The following UST variants were observed in gnomAD, a reference collection of about 807,000 sequenced individuals.
UST encodes chondroitin sulfate 2-O-sulfotransferase.
UST carries 21 observed loss-of-function variants against 45.6 expected under a neutral mutation model. The observed-to-expected ratio is 0.46, with a 90% CI of 0.33 to 0.66. The LOEUF is 0.66. Among genes scored for constraint, UST ranks in the 30% least tolerant of loss-of-function variants. The pLI is 0.02. For synonymous variants in UST, 215 were observed against 200.6 expected (o/e 1.07, Z -0.61); for missense variants, 463 against 512.4 (o/e 0.90, Z 0.93).
chr6:148,823,829 C>T (rs935028695), intron 1 of UST, among the ~76,000 whole-genome samples: 1 of 152,162 alleles, frequency 6.6e-6, no homozygotes, highest in African/African-American at 2.4e-5. Flanking sequence ...AAATCACCTT[C>T]AGTTGATGAT....
intron 1 of UST, among the ~76,000 whole-genome samples, chr6:148,849,220 A>C (rs1441158714): frequency 6.6e-6 from 1 of 152,226 alleles, no homozygotes; most frequent in African/African-American, 2.4e-5. Flanking sequence ...CAAGTCATCC[A>C]GGCATCCCTC....
In UST at chr6:148,830,328, T is replaced by G. The variant is rs535444665; in HGVS notation, c.248-56658T>G. Among the ~76,000 whole-genome samples the G allele has an allele frequency of 2.0e-5, 3 of 152,330 alleles. No individual in the cohort carries two copies. The East Asian group carries it at 5.8e-4, about 29-fold the overall frequency. On this transcript the variant is annotated intron_variant, in intron 1 of 7. Transcript: ENST00000367463. Reference sequence around the variant, plus strand: ...TTCTATTATCCTTTCATTTCTACATTTATAGTATAACTAGTTTAGAGCACA... The same window carrying G: ...TTCTATTATCCTTTCATTTCTACATGTATAGTATAACTAGTTTAGAGCACA...
chr6:148,961,510 A>G (rs1227297584), intron 4 of UST, among the ~76,000 whole-genome samples: 1 of 152,250 alleles, frequency 6.6e-6, no homozygotes, highest in East Asian at 1.9e-4. Flanking sequence ...AGAAACAACA[A>G]AAAGTTAAAA....
At chr6:148,788,597 C>T (rs1776778794) in intron 1 of UST, among the ~76,000 whole-genome samples, 1 of 152,074 alleles carries the variant, frequency 6.6e-6, no homozygotes, top group South Asian at 2.1e-4. Context: ...TTTTCTGACA[C>T]ATCCAATCTG....
At chr6:148,850,790 A>G (rs1474705677) in intron 1 of UST, among the ~76,000 whole-genome samples, 1 of 152,202 alleles carries the variant, frequency 6.6e-6, no homozygotes, top group East Asian at 1.9e-4. Context: ...CGTGGACTCT[A>G]CACTGATACC....
chr6:148,900,888 AG>A (rs1388101043), intron 2 of UST, among the ~76,000 whole-genome samples: 1 of 152,178 alleles, frequency 6.6e-6, no homozygotes, highest in Non-Finnish European at 1.5e-5. Context: ...CAGCTTCTAG[AG>A]GCCACCAGCA....
At chr6:148,916,274 G>T (rs150643505) in intron 2 of UST, among the ~76,000 whole-genome samples, 1 of 152,188 alleles carries the variant, frequency 6.6e-6, no homozygotes, top group Non-Finnish European at 1.5e-5. Context: ...GTAATTTGCC[G>T]AAAGGGATGC....
chr6:149,004,382 G>A (rs1276610729), intron 5 of UST, among the ~76,000 whole-genome samples: 1 of 152,164 alleles, frequency 6.6e-6, no homozygotes, highest in African/African-American at 2.4e-5. Context: ...CAGACTTCCT[G>A]GACCTGCTTA....
intron 1 of UST, among the ~76,000 whole-genome samples, chr6:148,759,864 A>G (rs2114655059): frequency 6.6e-6 from 1 of 151,514 alleles, no homozygotes; most frequent in Non-Finnish European, 1.5e-5. Context: ...AAAAAAAAAA[A>G]AAAAAAAGTC....
At chr6:148,879,853 T>A (rs945951286) in intron 1 of UST, among the ~76,000 whole-genome samples, 2 of 152,128 alleles carry the variant, frequency 1.3e-5, no homozygotes. Context: ...GTATTCAGAG[T>A]GAAATCATGT....
At chr6:148,964,032 G>A (rs1301275083) in intron 4 of UST, among the ~76,000 whole-genome samples, 2 of 152,162 alleles carry the variant, frequency 1.3e-5, no homozygotes, top group African/African-American at 2.4e-5. Context: ...TGTCCCTGTG[G>A]GTTCTGTTCT....
intron 7 of UST, among the ~76,000 whole-genome samples, chr6:149,061,812 C>T (rs1043254566): frequency 6.6e-6 from 1 of 152,214 alleles, no homozygotes; most frequent in Non-Finnish European, 1.5e-5. Context: ...ACATTGTATC[C>T]ACAGCAAAGT....
At chr6:148,894,593 G>A (rs975141249) in intron 2 of UST, among the ~76,000 whole-genome samples, 1 of 152,120 alleles carries the variant, frequency 6.6e-6, no homozygotes, top group Non-Finnish European at 1.5e-5. Flanking sequence ...CTTGATTTCA[G>A]ATTTCTGACC....
At chr6:148,875,377 C>T (rs1256135401) in intron 1 of UST, among the ~76,000 whole-genome samples, 1 of 152,014 alleles carries the variant, frequency 6.6e-6, no homozygotes, top group Non-Finnish European at 1.5e-5. Context: ...GAAGATATAT[C>T]AAGACAGTAT....
intron 1 of UST, among the ~76,000 whole-genome samples, chr6:148,886,277 C>T (rs1562289511): frequency 1.3e-5 from 2 of 152,336 alleles, no homozygotes; most frequent in African/African-American, 4.8e-5. Context: ...AAAGGGGACA[C>T]TTCTAATCCA....
At chr6:148,890,076 G>T (rs1778985668) in intron 2 of UST, among the ~76,000 whole-genome samples, 1 of 152,190 alleles carries the variant, frequency 6.6e-6, no homozygotes, top group South Asian at 2.1e-4. Flanking sequence ...ACCTAATACA[G>T]AAGCTTTCAC....
chr6:148,868,969 A>G (rs1457268115), intron 1 of UST, among the ~76,000 whole-genome samples: 1 of 152,198 alleles, frequency 6.6e-6, no homozygotes. Context: ...CCCGTTTCAC[A>G]CCACCCCAGC....
At chr6:149,014,371 G>A (rs1775862877) in intron 5 of UST, among the ~76,000 whole-genome samples, 1 of 152,208 alleles carries the variant, frequency 6.6e-6, no homozygotes, top group South Asian at 2.1e-4. Flanking sequence ...TCCCAATGTT[G>A]GGAGCAGATC....
At chr6:148,809,625 C>T (rs577664088) in intron 1 of UST, among the ~76,000 whole-genome samples, 1 of 152,364 alleles carries the variant, frequency 6.6e-6, no homozygotes, top group South Asian at 2.1e-4. Flanking sequence ...GCTAGGTGTG[C>T]TGATTGCCTC....
Sources: allele counts gnomAD v4.1 joint callset (sites outside exome capture counted in the v4.1 genomes callset), GRCh38; gene constraint gnomAD v4.1.1; transcripts MANE v1.5; gene names NCBI Gene and HGNC (gene_info 2026-07-23, HGNC 2026-07-21).